The following XPO6 variants were observed in gnomAD, a reference collection of about 807,000 sequenced individuals.
XPO6 encodes exportin 6.
A neutral mutation model predicts 130.0 loss-of-function variants in XPO6; 3 were observed. The ratio of observed to expected loss-of-function variants is 0.02; its 90% CI spans 0.01 to 0.06. The LOEUF (loss-of-function observed/expected upper bound fraction) is 0.06. Among genes scored for constraint, XPO6 ranks in the 10% least tolerant of loss-of-function variants. The pLI, the probability that XPO6 is intolerant of heterozygous loss-of-function variation, is 1.00. For synonymous variants in XPO6, 524 were observed against 548.9 expected, an observed-to-expected ratio of 0.95 and a Z score of 0.63; for missense variants, 970 against 1,393.0, an observed-to-expected ratio of 0.70 and a Z score of 4.83.
At chr16:28,184,629 A>AT (rs1360238787) in intron 1 of XPO6, among the ~76,000 whole-genome samples, 1 of 151,978 alleles carries the variant, frequency 6.6e-6, no homozygotes, top group Non-Finnish European at 1.5e-5. Flanking sequence ...AAGGACTTCA[A>AT]TTTTTTTGGA....
At position 28,132,606 on chromosome 16, in the gene XPO6, A is replaced by G. The variant is rs558211395; in HGVS notation, c.1537-203T>C. On this transcript the variant is annotated intron_variant, in intron 11 of 23. Transcript: ENST00000304658. This position sits in a 1 kb window ranked among gnomAD's most constrained non-coding sequence, Gnocchi z 4.0. ...CTAGTTTCTATAATTGAAACCGCCA[A>G]TTAATACACAGAATAAGAAAGAAAA... is the stretch of plus-strand genomic sequence containing the variant. Among the ~76,000 whole-genome samples, 1 of 150,862 alleles carries G rather than the reference A, an allele frequency of 6.6e-6. No homozygotes were observed. The highest frequency in any genetic ancestry group is 2.1e-4 in the South Asian group (1 of 4,680).
Position 28,146,172 on chromosome 16 carries a change from T to C in XPO6, c.1256A>G (p.Asp419Gly). ...PTHEGYFSCL[D>G]IWTLFLDYLT... ...ATAGTCCAAAAACAGCGTCCAGATA[T>C]CCAAACAAGAGAAGTAACCTTCATG... The change falls in exon 9 of 24, where the codon GAT (aspartate) becomes GGT (glycine). Residue 419 changes from aspartate (D) to glycine (G), a missense_variant. Asp to Gly is a moderately conservative substitution (Grantham distance 94). Transcript: ENST00000304658. The C allele has an allele frequency of 6.2e-7, 1 of 1,613,926 alleles. No individual in the cohort carries two copies.
At chr16:28,124,249 G>A (rs1596820735) in intron 13 of XPO6, among the ~76,000 whole-genome samples, 2 of 152,038 alleles carry the variant, frequency 1.3e-5, no homozygotes, top group African/African-American at 4.8e-5. Context: ...GTAGAGATGG[G>A]GTTTCATCAT....
chr16:28,106,543 G>A lies in XPO6; in HGVS notation c.2498-46C>T, dbSNP rs1474259168. 1.3e-6 allele frequency: 2 copies of A among 1,499,110 alleles called. No individual in the cohort carries two copies. The highest frequency in any genetic ancestry group is 1.4e-5 in the African/African-American group (1 of 72,468). 92.9% of individuals were successfully genotyped at this position (1,499,110 alleles called of 1,614,324 possible). ...ATCGTCAGAGGCTTGCACACAGTGA[G>A]AACCAGAACCCTGGGCTTCATCAAC... On this transcript the variant is annotated intron_variant, in intron 18 of 23. Coordinates refer to ENST00000304658, the MANE Select transcript of XPO6 (RefSeq NM_015171.4). This position sits in a 1 kb window ranked among gnomAD's most constrained non-coding sequence, Gnocchi z 4.2.
intron 15 of XPO6, among the ~76,000 whole-genome samples, chr16:28,116,314 T>C (rs769622453): frequency 1.3e-5 from 2 of 151,906 alleles, no homozygotes; most frequent in African/African-American, 4.8e-5. Flanking sequence ...ACAAAAAAAT[T>C]AGCCAGGCAA....
intron 1 of XPO6, among the ~76,000 whole-genome samples, chr16:28,191,686 C>T (rs2043788867): frequency 6.6e-6 from 1 of 152,186 alleles, no homozygotes; most frequent in East Asian, 1.9e-4. Flanking sequence ...ACAGCTCCTA[C>T]ACCCCTTGAG....
rs561062626 is a variant in XPO6 at position 28,156,019 on chromosome 16, T to A, written c.1097+55A>T. 2.6e-5 allele frequency: 40 copies of A among 1,542,740 alleles called. No homozygotes were observed. In the Admixed American group the frequency reaches 3.0e-4, roughly 11 times the overall value. On this transcript the variant is annotated intron_variant, in intron 7 of 23. Coordinates refer to ENST00000304658, the MANE Select transcript of XPO6 (RefSeq NM_015171.4). ...ACAGATGCCATGCAGCACAGCATGG[T>A]AAACAGTCAGGGCCCTTTCTTGGGG...
chr16:28,191,566 ATC>A (rs1322696906), intron 1 of XPO6, among the ~76,000 whole-genome samples: 2 of 152,218 alleles, frequency 1.3e-5, no homozygotes, highest in Non-Finnish European at 2.9e-5. Context: ...AGCAAGTCCA[ATC>A]TTGTTCTACA....
At chr16:28,199,565 C>A (rs1269003992) in intron 1 of XPO6, among the ~76,000 whole-genome samples, 2 of 151,830 alleles carry the variant, frequency 1.3e-5, no homozygotes, top group African/African-American at 4.8e-5. Flanking sequence ...GAGTGAGCCA[C>A]CATGCCCGGC....
chr16:28,125,621 C>T, intron 13 of XPO6, 68 bp downstream of exon 13: 1 of 1,552,982 alleles, frequency 6.4e-7, no homozygotes, highest in Non-Finnish European at 8.7e-7. Context: ...AATATGCTGC[C>T]CCTCACACAA....
chr16:28,116,605 G>A (rs945808541), intron 15 of XPO6, among the ~76,000 whole-genome samples: 1 of 151,868 alleles, frequency 6.6e-6, no homozygotes, highest in African/African-American at 2.4e-5. Flanking sequence ...ACTCGAACAC[G>A]TAAAGGTCAT....
At chr16:28,182,783 G>T (rs1012894439) in intron 1 of XPO6, among the ~76,000 whole-genome samples, 1 of 152,118 alleles carries the variant, frequency 6.6e-6, no homozygotes, top group Admixed American at 6.5e-5. Flanking sequence ...TGTTCTCACT[G>T]ACTTTATAAA....
intron 5 of XPO6, 111 bp downstream of exon 5, chr16:28,169,639 T>C (rs2043417672): frequency 1.4e-6 from 2 of 1,392,930 alleles, no homozygotes; most frequent in Admixed American, 2.1e-5. Flanking sequence ...CCCATTTTCA[T>C]GCTATCTCAG....
chr16:28,142,029 C>T (rs971592664), intron 9 of XPO6, among the ~76,000 whole-genome samples: 1 of 152,218 alleles, frequency 6.6e-6, no homozygotes, highest in Non-Finnish European at 1.5e-5. Context: ...GCCTACAATG[C>T]TTACCACTTT....
chr16:28,194,300 C>T (rs2043826713), intron 1 of XPO6, among the ~76,000 whole-genome samples: 1 of 152,050 alleles, frequency 6.6e-6, no homozygotes, highest in South Asian at 2.1e-4. Flanking sequence ...CCCAAGAATG[C>T]CAAATGCCTT....
At chr16:28,098,913 C>A (rs2086591840) in intron 23 of XPO6, among the ~76,000 whole-genome samples, 2 of 152,178 alleles carry the variant, frequency 1.3e-5, no homozygotes, top group South Asian at 4.1e-4. Flanking sequence ...GTCCTCACCA[C>A]AAGGCTGCCA....
Position 28,193,061 on chromosome 16 carries a change from G to A in XPO6, c.4-12030C>T, listed in dbSNP as rs183407197. On this transcript the variant is annotated intron_variant, in intron 1 of 23. Transcript: ENST00000304658. ...CTCCCTCACTGTAAGTTCTTCTTAC[G>A]TAAACTCCATGTGTGGGTCTCCTTT... Among the ~76,000 whole-genome samples the A allele has an allele frequency of 5.0e-3, 762 of 152,214 alleles. 6 individuals are homozygous for A. Among genetic ancestry groups the A allele is most frequent in the Admixed American group, 0.012 (186 of 15,278 alleles).
intron 5 of XPO6, among the ~76,000 whole-genome samples, chr16:28,168,485 A>G (rs1310643624): frequency 6.6e-6 from 1 of 152,186 alleles, no homozygotes; most frequent in Non-Finnish European, 1.5e-5. Flanking sequence ...CCTGTCTCAA[A>G]AAAAGGAAAA....
At chr16:28,206,531 G>A (rs2044033922) in intron 1 of XPO6, among the ~76,000 whole-genome samples, 1 of 152,056 alleles carries the variant, frequency 6.6e-6, no homozygotes, top group African/African-American at 2.4e-5. Flanking sequence ...CTGGACAACA[G>A]AGCAAGACCC....
Sources: gnomAD v4.1 joint callset for allele counts (sites outside exome capture counted in the v4.1 genomes callset) on GRCh38, gnomAD v4.1.1 for gene constraint, Gnocchi (gnomAD v3.1) non-coding constraint, MANE v1.5 for transcripts, NCBI Gene and HGNC (gene_info 2026-07-23, HGNC 2026-07-21) for gene names.